The following NDUFAF2 variants were observed in gnomAD, a reference collection of about 807,000 sequenced individuals.
The protein encoded by NDUFAF2 is NADH:ubiquinone oxidoreductase complex assembly factor 2, also known as NADH dehydrogenase [ubiquinone] 1 alpha subcomplex assembly factor 2.
A neutral mutation model predicts 22.8 loss-of-function variants in NDUFAF2; 13 were observed. The observed-to-expected ratio is 0.57, with a 90% CI of 0.37 to 0.91. The LOEUF (loss-of-function observed/expected upper bound fraction) is 0.91, where lower values mean the gene tolerates loss of function less well. NDUFAF2 is among the 40% of genes least tolerant of loss of function. The probability of loss-of-function intolerance (pLI) is 0.01; values close to 1 mark genes in which losing one functional copy is unlikely to be tolerated. For missense variants in NDUFAF2, 162 were observed against 195.2 expected (o/e 0.83, Z 1.01); for synonymous variants, 53 against 64.2 (o/e 0.83, Z 0.84).
chr5:60,970,889 A>T (rs1469500589), intron 1 of NDUFAF2, among the ~76,000 whole-genome samples: 1 of 152,008 alleles, frequency 6.6e-6, no homozygotes, highest in African/African-American at 2.4e-5. Flanking sequence ...TTATATCCTT[A>T]TATATATATT....
At chr5:60,966,598 T>C (rs559726108) in intron 1 of NDUFAF2, among the ~76,000 whole-genome samples, 3 of 152,260 alleles carry the variant, frequency 2.0e-5, no homozygotes, top group South Asian at 4.1e-4. Flanking sequence ...TTCCAAACAT[T>C]ATTTATTGAA....
chr5:60,986,147 A>G (rs1192570130), intron 1 of NDUFAF2, among the ~76,000 whole-genome samples: 1 of 152,206 alleles, frequency 6.6e-6, no homozygotes, highest in Non-Finnish European at 1.5e-5. Flanking sequence ...TGCTATGTGT[A>G]TACCCAAAAG....
chr5:60,960,972 A>G (rs906327039), intron 1 of NDUFAF2, among the ~76,000 whole-genome samples: 5 of 152,182 alleles, frequency 3.3e-5, no homozygotes, highest in Admixed American at 6.5e-5. Flanking sequence ...AAGAGGACAG[A>G]AAGTGCTCAA....
At chr5:60,988,247 G>A (rs935027033) in intron 1 of NDUFAF2, among the ~76,000 whole-genome samples, 9 of 152,042 alleles carry the variant, frequency 5.9e-5, no homozygotes, top group African/African-American at 2.2e-4. Context: ...TCTACAATGA[G>A]AATTACAAAC....
intron 1 of NDUFAF2, among the ~76,000 whole-genome samples, chr5:60,987,475 A>G (rs1751098043): frequency 6.6e-6 from 1 of 152,182 alleles, no homozygotes; most frequent in African/African-American, 2.4e-5. Context: ...TACAACAACA[A>G]CAATAGCAAT....
intron 1 of NDUFAF2, among the ~76,000 whole-genome samples, chr5:60,957,369 T>A (rs190813606): frequency 6.6e-6 from 1 of 152,198 alleles, no homozygotes; most frequent in African/African-American, 2.4e-5. Flanking sequence ...CTCCTGTTTT[T>A]AAATGTAACA....
At chr5:61,021,206 G>A (rs1169747387) in intron 1 of NDUFAF2, among the ~76,000 whole-genome samples, 2 of 152,074 alleles carry the variant, frequency 1.3e-5, no homozygotes, top group African/African-American at 4.8e-5. Context: ...GCCAAAATTA[G>A]TCTCTCTGGG....
chr5:60,974,160 A>G (rs948829525), intron 1 of NDUFAF2, among the ~76,000 whole-genome samples: 11 of 152,192 alleles, frequency 7.2e-5, no homozygotes, highest in African/African-American at 2.7e-4. Flanking sequence ...ATCAGCTGCC[A>G]GTGCTGCTAG....
intron 1 of NDUFAF2, among the ~76,000 whole-genome samples, chr5:60,975,800 A>AT (rs537681250): frequency 3.8e-4 from 58 of 151,300 alleles, no homozygotes; most frequent in Non-Finnish European, 6.8e-4. Context: ...AAGCCAAATA[A>AT]TTTTTTTTTT....
chr5:60,993,903 T>C (rs1254858435), intron 1 of NDUFAF2, among the ~76,000 whole-genome samples: 1 of 152,190 alleles, frequency 6.6e-6, no homozygotes, highest in East Asian at 1.9e-4. Flanking sequence ...AAATTCCCTC[T>C]CTGGTCTGCA....
intron 1 of NDUFAF2, among the ~76,000 whole-genome samples, chr5:61,052,306 G>A (rs1752034080): frequency 6.6e-6 from 1 of 151,980 alleles, no homozygotes; most frequent in African/African-American, 2.4e-5. Context: ...AATTATATTT[G>A]TTATTTTCTC....
chr5:61,074,374 G>C (rs1330252225), intron 2 of NDUFAF2, among the ~76,000 whole-genome samples: 1 of 152,080 alleles, frequency 6.6e-6, no homozygotes, highest in Non-Finnish European at 1.5e-5. Flanking sequence ...GGATCATGAG[G>C]TCAAGAGATT....
At chr5:60,983,807 TGTA>T (rs1173071095) in intron 1 of NDUFAF2, among the ~76,000 whole-genome samples, 2 of 152,022 alleles carry the variant, frequency 1.3e-5, no homozygotes, top group African/African-American at 4.8e-5. Flanking sequence ...ACTGTAGCCT[TGTA>T]GTATAGTTTG....
chr5:61,078,608 G>A (rs978003411), intron 2 of NDUFAF2, among the ~76,000 whole-genome samples: 6 of 152,108 alleles, frequency 3.9e-5, no homozygotes, highest in African/African-American at 1.4e-4. Context: ...AAGTGTGATG[G>A]CACACACTGG....
At chr5:61,047,226 A>G (rs1214553757) in intron 1 of NDUFAF2, among the ~76,000 whole-genome samples, 1 of 152,142 alleles carries the variant, frequency 6.6e-6, no homozygotes, top group Middle Eastern at 3.2e-3. Flanking sequence ...AATGCTTACT[A>G]AGTTCCAGAT....
chr5:61,132,571 C>T (rs2111815223), intron 3 of NDUFAF2, among the ~76,000 whole-genome samples: 1 of 152,276 alleles, frequency 6.6e-6, no homozygotes, highest in South Asian at 2.1e-4. Context: ...GATGGCCCAA[C>T]CCTTAGAATT....
chr5:61,096,756 G>A (rs1375101460), intron 2 of NDUFAF2, among the ~76,000 whole-genome samples: 1 of 151,872 alleles, frequency 6.6e-6, no homozygotes, highest in South Asian at 2.1e-4. Flanking sequence ...TGAAGGTCAG[G>A]AGTTCAAGAC....
intron 1 of NDUFAF2, among the ~76,000 whole-genome samples, chr5:61,021,336 T>C (rs1311908864): frequency 8.8e-6 from 1 of 114,058 alleles, no homozygotes; most frequent in Non-Finnish European, 1.8e-5. Context: ...GATCCCTTTG[T>C]CCATCTTCAA....
At chr5:61,079,255 A>G (rs987648985) in intron 2 of NDUFAF2, among the ~76,000 whole-genome samples, 9 of 152,206 alleles carry the variant, frequency 5.9e-5, no homozygotes, top group Non-Finnish European at 1.3e-4. Flanking sequence ...TAATTATTCA[A>G]CATGTCTTTC....
Sources: allele counts gnomAD v4.1 joint callset (sites outside exome capture counted in the v4.1 genomes callset), GRCh38; gene constraint gnomAD v4.1.1; transcripts MANE v1.5; gene names NCBI Gene and HGNC (gene_info 2026-07-23, HGNC 2026-07-21).